ZNF385B: variants seen among roughly 807,000 people sequenced by gnomAD.
The protein encoded by ZNF385B is zinc finger protein 385B, also known as zinc finger protein 533.
Under a neutral mutation model 39.2 loss-of-function variants are expected in ZNF385B, and 23 were observed. The ratio of observed to expected loss-of-function variants is 0.59; its 90% CI spans 0.42 to 0.83. The LOEUF is 0.83. Ranked by LOEUF, ZNF385B falls within the 40% of genes least tolerant of loss-of-function variation. The pLI, the probability that ZNF385B is intolerant of heterozygous loss-of-function variation, is 0.00. For missense variants in ZNF385B, 552 were observed against 598.9 expected (o/e 0.92, Z 0.82); for synonymous variants, 205 against 222.6 (o/e 0.92, Z 0.70).
intron 4 of ZNF385B, among the ~76,000 whole-genome samples, chr2:179,519,788 G>A (rs1418307264): frequency 6.6e-6 from 1 of 152,220 alleles, no homozygotes; most frequent in Non-Finnish European, 1.5e-5. Flanking sequence ...CCTGAGGTTA[G>A]AGATTAAGAT....
intron 3 of ZNF385B, among the ~76,000 whole-genome samples, chr2:179,739,934 C>G (rs1430835533): frequency 1.3e-5 from 2 of 151,926 alleles, no homozygotes; most frequent in Non-Finnish European, 2.9e-5. Flanking sequence ...TACACAAAAT[C>G]CAAAAGCTCC....
intron 1 of ZNF385B, among the ~76,000 whole-genome samples, chr2:179,816,664 T>C (rs1707090439): frequency 3.9e-5 from 6 of 152,322 alleles, no homozygotes; most frequent in Admixed American, 3.9e-4. Flanking sequence ...GTTCAATGTT[T>C]GTCCTAGGTA....
At chr2:179,447,699 C>T (rs1324524019) in intron 6 of ZNF385B, among the ~76,000 whole-genome samples, 1 of 152,134 alleles carries the variant, frequency 6.6e-6, no homozygotes, top group African/African-American at 2.4e-5. Flanking sequence ...TGCTGATTAA[C>T]TCTCATAAAG....
intron 3 of ZNF385B, among the ~76,000 whole-genome samples, chr2:179,578,106 T>G (rs1686048369): frequency 6.6e-6 from 1 of 152,156 alleles, no homozygotes; most frequent in South Asian, 2.1e-4. Context: ...TACACATTGA[T>G]AGATTCTTTG....
At chr2:179,450,896 T>C (rs1283744048) in intron 6 of ZNF385B, among the ~76,000 whole-genome samples, 1 of 152,012 alleles carries the variant, frequency 6.6e-6, no homozygotes, top group Non-Finnish European at 1.5e-5. Flanking sequence ...GTGGCACATA[T>C]ACACCATGGA....
chr2:179,460,589 G>A (rs2051222227), intron 6 of ZNF385B, among the ~76,000 whole-genome samples: 1 of 152,124 alleles, frequency 6.6e-6, no homozygotes, highest in African/African-American at 2.4e-5. Flanking sequence ...CAAGATTTGT[G>A]ACTTTCCCAA....
chr2:179,831,326 C>T (rs1189015945), intron 1 of ZNF385B, among the ~76,000 whole-genome samples: 5 of 152,030 alleles, frequency 3.3e-5, no homozygotes, highest in Admixed American at 3.3e-4. Flanking sequence ...GAAACAGGAG[C>T]TTTCTCCAAT....
intron 3 of ZNF385B, among the ~76,000 whole-genome samples, chr2:179,560,864 T>C (rs554071070): frequency 6.6e-6 from 1 of 152,372 alleles, no homozygotes; most frequent in African/African-American, 2.4e-5. Flanking sequence ...AGTTTGTCCC[T>C]GTGACAAGAT....
intron 5 of ZNF385B, among the ~76,000 whole-genome samples, chr2:179,497,709 G>C (rs543462503): frequency 9.8e-4 from 149 of 152,092 alleles, no homozygotes; most frequent in African/African-American, 3.5e-3. Context: ...GCAGGAGTAA[G>C]TCCTTACTTA....
chr2:179,814,063 T>C (rs1198756970), intron 1 of ZNF385B, among the ~76,000 whole-genome samples: 1 of 152,242 alleles, frequency 6.6e-6, no homozygotes, highest in African/African-American at 2.4e-5. Context: ...TTTAACAACA[T>C]GTGGAAAGTG....
intron 6 of ZNF385B, among the ~76,000 whole-genome samples, chr2:179,459,775 A>G (rs561753461): frequency 4.0e-5 from 6 of 150,872 alleles, no homozygotes; most frequent in Non-Finnish European, 7.4e-5. Context: ...TATTCAAAAC[A>G]TATATAAAAC....
At chr2:179,809,647 G>A (rs1007917413) in intron 1 of ZNF385B, among the ~76,000 whole-genome samples, 1 of 151,926 alleles carries the variant, frequency 6.6e-6, no homozygotes, top group African/African-American at 2.4e-5. Flanking sequence ...AAGAAACATG[G>A]GAAAAATACA....
intron 3 of ZNF385B, among the ~76,000 whole-genome samples, chr2:179,651,427 A>C (rs1559032004): frequency 6.6e-6 from 1 of 152,162 alleles, no homozygotes; most frequent in East Asian, 1.9e-4. Context: ...TTTTAGATTA[A>C]TAATTTGACA....
intron 3 of ZNF385B, among the ~76,000 whole-genome samples, chr2:179,588,672 C>T (rs11683314): frequency 0.25 from 38,001 of 152,028 alleles, 5,775 homozygotes; most frequent in Non-Finnish European, 0.33. Flanking sequence ...GCAGACATCC[C>T]GGACTGCCAT....
chr2:179,833,312 T>C (rs145172226), intron 1 of ZNF385B, among the ~76,000 whole-genome samples: 1 of 152,306 alleles, frequency 6.6e-6, no homozygotes, highest in Non-Finnish European at 1.5e-5. Flanking sequence ...TTTGAAACTA[T>C]TTCAGATCTC....
chr2:179,528,492 T>C (rs1257496283), intron 4 of ZNF385B, among the ~76,000 whole-genome samples: 5 of 152,214 alleles, frequency 3.3e-5, no homozygotes, highest in Non-Finnish European at 7.3e-5. Context: ...GAGCTAACAG[T>C]TTTGTGTGAG....
chr2:179,455,413 G>A (rs2050578283), intron 6 of ZNF385B, among the ~76,000 whole-genome samples: 1 of 152,056 alleles, frequency 6.6e-6, no homozygotes, highest in African/African-American at 2.4e-5. Context: ...ATGATTGTGA[G>A]TGAGTTCTCA....
At position 179,589,449 on chromosome 2, in the gene ZNF385B, C is replaced by T. The variant is rs182771354; in HGVS notation, c.299-44480G>A. Among the ~76,000 whole-genome samples the T allele has an allele frequency of 1.4e-4, 21 of 152,224 alleles. No individual in the cohort carries two copies. In the East Asian group the frequency reaches 3.7e-3, roughly 27 times the overall value. ...CACCAAAGAGGAGAACAAAAGAAGT[C>T]TCGGAAAAGGGAGGGATGAATTTAT... On this transcript the variant is annotated intron_variant, in intron 3 of 9. Coordinates refer to ENST00000410066, the MANE Select transcript of ZNF385B (RefSeq NM_152520.6).
chr2:179,636,936 A>T (rs1311562157), intron 3 of ZNF385B, among the ~76,000 whole-genome samples: 1 of 152,184 alleles, frequency 6.6e-6, no homozygotes, highest in African/African-American at 2.4e-5. Context: ...TACAGCTTAT[A>T]AAAAGCTATT....
Sources: gnomAD v4.1 joint callset for allele counts (sites outside exome capture counted in the v4.1 genomes callset) on GRCh38, gnomAD v4.1.1 for gene constraint, MANE v1.5 for transcripts, NCBI Gene and HGNC (gene_info 2026-07-23, HGNC 2026-07-21) for gene names.